Variants in NRIP2 observed in about 807,000 individuals in gnomAD.
NRIP2 encodes the protein nuclear receptor interacting protein 2.
Under a neutral mutation model 34.1 loss-of-function variants are expected in NRIP2, and 27 were observed. That is an observed-to-expected ratio of 0.79 (90% CI 0.58 to 1.09). The LOEUF (loss-of-function observed/expected upper bound fraction) is 1.09. NRIP2 is among the 50% of genes least tolerant of loss of function. NRIP2 has a pLI of 0.00. For missense variants in NRIP2, 385 were observed against 352.6 expected (o/e 1.09, Z -0.74); for synonymous variants, 145 against 146.9 (o/e 0.99, Z 0.09).
rs553936756 is a variant in NRIP2 at position 2,828,248 on chromosome 12, T to C, written c.578+84A>G. 1.6e-5 allele frequency: 21 copies of C among 1,273,748 alleles called. No individual in the cohort carries two copies. In the Admixed American group the frequency reaches 2.4e-4, roughly 15 times the overall value. 78.9% of individuals were successfully genotyped at this position (1,273,748 alleles called of 1,614,324 possible). A position where few individuals can be genotyped will look rare whatever the true frequency, so the allele number is the denominator to read the frequency against. Reference sequence around the variant, plus strand: ...TTTATTGAGATAAAATATGCAACTGTCGTCACTATCTAATTTGAGAATATT... The same window carrying C: ...TTTATTGAGATAAAATATGCAACTGCCGTCACTATCTAATTTGAGAATATT... On this transcript the variant is annotated intron_variant, in intron 3 of 5. Transcript: ENST00000337508.
At chr12:2,830,559 G>A (rs944614269) in intron 2 of NRIP2, 149 bp downstream of exon 2, 1 of 755,654 alleles carries the variant, frequency 1.3e-6, no homozygotes, top group South Asian at 2.0e-5. Context: ...GAGGAAGGAG[G>A]TAGAGGATCC....
intron 2 of NRIP2, chr12:2,830,487 G>A (rs890319676): frequency 4.0e-6 from 2 of 494,032 alleles, no homozygotes; most frequent in Non-Finnish European, 3.6e-6. Context: ...GACCAAGGAA[G>A]GGGGGCAGAG....
rs2097970202 is a variant in NRIP2 at position 2,826,985 on chromosome 12, C to T, written c.*222G>A. The T allele has an allele frequency of 4.4e-6, 6 of 1,366,668 alleles. No individual in the cohort carries two copies. Among genetic ancestry groups the T allele is most frequent in the Non-Finnish European group, 4.7e-6 (5 of 1,064,700 alleles). The allele number at this position is 1,366,668 out of a possible 1,614,324, so 84.7% of individuals were successfully genotyped here. A position where few individuals can be genotyped will look rare whatever the true frequency, so the allele number is the denominator to read the frequency against. The stretch of plus-strand genomic sequence containing the variant: ...GGAAGATGAATCAGAATCCTGGCAT[C>T]GTGGGCCCTCTAGTGAAAACTCGTC... On this transcript the variant is annotated 3_prime_UTR_variant, in exon 6 of 6. Coordinates refer to ENST00000337508, the MANE Select transcript of NRIP2 (RefSeq NM_031474.3).
At chr12:2,830,489 G>A (rs2097995864) in intron 2 of NRIP2, 1 of 495,724 alleles carries the variant, frequency 2.0e-6, no homozygotes, top group South Asian at 3.5e-5. Context: ...CCAAGGAAGG[G>A]GGGCAGAGTA....
At chr12:2,828,485 C>T in intron 2 of NRIP2, 71 bp from the exon 3 acceptor site, 9 of 1,154,032 alleles carry the variant, frequency 7.8e-6, no homozygotes, top group Non-Finnish European at 1.2e-5. Context: ...CCTTCAGTTT[C>T]CCAGCCCATT....
intron 2 of NRIP2, 152 bp from the exon 3 acceptor site, chr12:2,828,566 G>A (rs908623998): frequency 6.8e-5 from 45 of 659,498 alleles, no homozygotes; most frequent in East Asian, 5.8e-4. Flanking sequence ...GGGGCCAGGC[G>A]CGGTAGCTCA....
At chr12:2,833,666 TC>T (rs1191103404) in intron 1 of NRIP2, among the ~76,000 whole-genome samples, 1 of 152,052 alleles carries the variant, frequency 6.6e-6, no homozygotes, top group Non-Finnish European at 1.5e-5. Context: ...ACAAAGGATT[TC>T]CTCTCTTCCA....
At chr12:2,833,771 C>T (rs892631300) in intron 1 of NRIP2, among the ~76,000 whole-genome samples, 1 of 152,230 alleles carries the variant, frequency 6.6e-6, no homozygotes, top group Non-Finnish European at 1.5e-5. Context: ...CTATTAGGCA[C>T]TGTTCTAAGT....
At position 2,834,697 on chromosome 12, in the gene NRIP2, G is replaced by A. The variant is rs763196291; in HGVS notation, c.287C>T (p.Ser96Leu). 10 of 1,613,868 alleles carry A rather than the reference G, an allele frequency of 6.2e-6. No homozygotes were observed. Among genetic ancestry groups the A allele is most frequent in the East Asian group, 2.2e-5 (1 of 44,856 alleles). Residue 96 changes from serine to leucine, a missense_variant, in exon 1 of 6, where the codon TCG (serine) becomes TTG (leucine). Ser to Leu is a moderately radical substitution (Grantham distance 145, BLOSUM62 -2). Transcript: ENST00000337508. ...GCTGTCCAGCGGGAGCAGGTCGGCC[G>A]AGTCCTTGTGCAGGAACTGGGTGGC... ...KQATQFLHKD[S>L]ADLLPLDSLK... is the part of the protein sequence containing the mutation.
chr12:2,832,898 GC>G (rs1172606223), intron 1 of NRIP2, among the ~76,000 whole-genome samples: 3 of 151,632 alleles, frequency 2.0e-5, no homozygotes, highest in African/African-American at 7.3e-5. Context: ...CAGCAAGGCT[GC>G]CAGCAGTAGA....
chr12:2,826,841 TG>T lies in NRIP2; in HGVS notation c.*365del. Reference sequence around the variant, plus strand: ...GTGGGAAGTTGAGTTGTGTTTGGGGTGGTATTGGGTGATGGACAAGGACAGC... The same window carrying T: ...GTGGGAAGTTGAGTTGTGTTTGGGGTGTATTGGGTGATGGACAAGGACAGC... On this transcript the variant is annotated 3_prime_UTR_variant, in exon 6 of 6. Transcript: ENST00000337508. The T allele has an allele frequency of 3.2e-6, 1 of 315,756 alleles. No homozygotes were observed. The highest frequency in any genetic ancestry group is 5.3e-6 in the Non-Finnish European group (1 of 188,616). 19.6% of individuals were successfully genotyped at this position (315,756 alleles called of 1,614,324 possible). A position where few individuals can be genotyped will look rare whatever the true frequency, so the allele number is the denominator to read the frequency against.
chr12:2,826,822 A>G lies in NRIP2; in HGVS notation c.*385T>C, dbSNP rs561797862. ...TGGTGAGAGACATGGTGGTGTGGGA[A>G]GTTGAGTTGTGTTTGGGGTGGTATT... On this transcript the variant is annotated 3_prime_UTR_variant, in exon 6 of 6. Transcript: ENST00000337508. 76 of 275,134 alleles carry G rather than the reference A, an allele frequency of 2.8e-4. 2 individuals are homozygous for G. Among genetic ancestry groups the G allele is most frequent in the African/African-American group, 1.7e-3 (72 of 42,878 alleles). 17.0% of individuals were successfully genotyped at this position (275,134 alleles called of 1,614,324 possible). A position where few individuals can be genotyped will look rare whatever the true frequency, so the allele number is the denominator to read the frequency against.
At position 2,827,076 on chromosome 12, in the gene NRIP2, AG is replaced by A; in HGVS notation, c.*130del. 1 of 1,504,768 alleles carries A rather than the reference AG, an allele frequency of 6.6e-7. No homozygotes were observed. The highest frequency in any genetic ancestry group is 1.3e-5 in the South Asian group (1 of 77,244). The allele number at this position is 1,504,768 out of a possible 1,614,324, so 93.2% of individuals were successfully genotyped here. ...GGCCAGCTGGGGAAAATGGGACAGCAGGGGTCAGGGAGGTGATTGGAAGGGC... is the reference window on the plus strand; with the variant it reads ...GGCCAGCTGGGGAAAATGGGACAGCAGGGTCAGGGAGGTGATTGGAAGGGC... On this transcript the variant is annotated 3_prime_UTR_variant, in exon 6 of 6. Transcript: ENST00000337508. The surrounding 1 kb of genome is among the most constrained non-coding windows in gnomAD (Gnocchi z 4.0).
Position 2,833,087 on chromosome 12 carries a change from C to G in NRIP2, c.342+1555G>C, listed in dbSNP as rs549138159. On this transcript the variant is annotated intron_variant, in intron 1 of 5. Coordinates refer to ENST00000337508, the MANE Select transcript of NRIP2 (RefSeq NM_031474.3). ...ATGGGGTCTTCCCTGCCTGTTGTGC[C>G]TTTGCTCCCAGAGCCATAGGAGGTA... Among the ~76,000 whole-genome samples the G allele has an allele frequency of 4.6e-5, 7 of 152,060 alleles. No homozygotes were observed. In the South Asian group the frequency reaches 1.5e-3, roughly 32 times the overall value.
At chr12:2,833,390 A>G (rs951151995) in intron 1 of NRIP2, among the ~76,000 whole-genome samples, 1 of 151,090 alleles carries the variant, frequency 6.6e-6, no homozygotes, top group Admixed American at 6.6e-5. Flanking sequence ...TCTCAGTGCA[A>G]TCCCTTTTCT....
chr12:2,834,430 A>C (rs2098018072), intron 1 of NRIP2, among the ~76,000 whole-genome samples: 1 of 152,184 alleles, frequency 6.6e-6, no homozygotes, highest in African/African-American at 2.4e-5. Flanking sequence ...GAAGCCAAGC[A>C]ATGAGAGAAT....
At position 2,828,415 on chromosome 12, in the gene NRIP2, CT is replaced by C; in HGVS notation, c.496-2del. On this transcript the variant is annotated splice_acceptor_variant, in intron 2 of 5. Transcript: ENST00000337508. LOFTEE classifies it high-confidence loss of function. Reference sequence around the variant, plus strand: ...CCACTCTAAGCAGCTGGTCCTGGCACTAAGAAAGAAGAATCGTGGTGAATCA... The same window carrying C: ...CCACTCTAAGCAGCTGGTCCTGGCACAAGAAAGAAGAATCGTGGTGAATCA... The C allele has an allele frequency of 6.2e-7, 1 of 1,613,426 alleles. No individual in the cohort carries two copies. Among genetic ancestry groups the C allele is most frequent in the South Asian group, 1.1e-5 (1 of 91,064 alleles).
In NRIP2 at chr12:2,834,729, G is replaced by C. The variant is rs781203390; in HGVS notation, c.255C>G (p.Leu85=). ...DRAHLSQQRR[L]KQATQFLHKD... ...TGTGCAGGAACTGGGTGGCCTGTTTGAGCCGGCGCTGCTGGCTCAGGTGGG... is the reference window on the plus strand; with the variant it reads ...TGTGCAGGAACTGGGTGGCCTGTTTCAGCCGGCGCTGCTGGCTCAGGTGGG... The change falls in exon 1 of 6, where the codon CTC becomes CTG. Residue 85 remains leucine, a synonymous_variant. Transcript: ENST00000337508. 2 of 1,614,058 alleles carry C rather than the reference G, an allele frequency of 1.2e-6. No homozygotes were observed. The highest frequency in any genetic ancestry group is 1.1e-5 in the South Asian group (1 of 91,076).
chr12:2,828,431 G>A lies in NRIP2; in HGVS notation c.496-17C>T, dbSNP rs1178863027. The A allele has an allele frequency of 9.3e-6, 15 of 1,605,978 alleles. No individual in the cohort carries two copies. The highest frequency in any genetic ancestry group is 3.3e-5 in the Admixed American group (2 of 59,706). On this transcript the variant is annotated splice_polypyrimidine_tract_variant and intron_variant, in intron 2 of 5. Coordinates refer to ENST00000337508, the MANE Select transcript of NRIP2 (RefSeq NM_031474.3). Reference sequence around the variant, plus strand: ...GTCCTGGCACTAAGAAAGAAGAATCGTGGTGAATCAGTGAGTCCCTAGGAG... The same window carrying A: ...GTCCTGGCACTAAGAAAGAAGAATCATGGTGAATCAGTGAGTCCCTAGGAG...
Sources: allele counts gnomAD v4.1 joint callset (sites outside exome capture counted in the v4.1 genomes callset), GRCh38; gene constraint gnomAD v4.1.1; non-coding constraint Gnocchi (gnomAD v3.1); transcripts MANE v1.5; gene names NCBI Gene and HGNC (gene_info 2026-07-23, HGNC 2026-07-21).